Variants in TPR observed in about 807,000 individuals in gnomAD.
TPR encodes nucleoprotein TPR.
A neutral mutation model predicts 316.1 loss-of-function variants in TPR; 51 were observed. That is an observed-to-expected ratio of 0.16 (90% CI 0.13 to 0.20). TPR has a LOEUF of 0.20. Among genes scored for constraint, TPR ranks in the 10% least tolerant of loss-of-function variants. TPR has a pLI of 1.00. For synonymous variants in TPR, 981 were observed against 914.7 expected, an observed-to-expected ratio of 1.07 and a Z score of -1.31; for missense variants, 2,272 against 2,754.8, an observed-to-expected ratio of 0.82 and a Z score of 3.92.
Position 186,336,537 on chromosome 1 carries a change from T to C in TPR, c.4664A>G (p.Lys1555Arg). 6.2e-7 allele frequency: 1 copy of C among 1,613,942 alleles called. No homozygotes were observed. Among genetic ancestry groups the C allele is most frequent in the Non-Finnish European group, 8.5e-7 (1 of 1,179,908 alleles). Residue 1555 changes from lysine to arginine, a missense_variant, in exon 33 of 51, where the codon AAG becomes AGG. Around this residue, in one of 10 missense-constraint regions of TPR, gnomAD observed 109 missense variants for 215.3 expected, o/e 0.51. Coordinates refer to ENST00000367478, the MANE Select transcript of TPR (RefSeq NM_003292.3). ...QITEKEEKTRKAIVAAKSKIA... is the reference protein window; with the variant it reads ...QITEKEEKTRRAIVAAKSKIA... ...TTTTGACTTTGCTGCTACAATAGCC[T>C]TTCTGGTTTTTTCTTCCTTTTCAGT...
chr1:186,319,336 C>T lies in TPR; in HGVS notation c.6569-508G>A, dbSNP rs144065683. ...AAGACATCCTTTAAACTTTCTAATG[C>T]TACAGTACCCTTAAAACATTCGCTA... On this transcript the variant is annotated intron_variant, in intron 46 of 50. Coordinates refer to ENST00000367478, the MANE Select transcript of TPR (RefSeq NM_003292.3). Among the ~76,000 whole-genome samples, 324 of 152,224 alleles carry T rather than the reference C, an allele frequency of 2.1e-3. 2 individuals are homozygous for T. The highest frequency in any genetic ancestry group is 6.8e-3 in the Middle Eastern group (2 of 294).
At chr1:186,326,794 G>A (rs1321147390) in intron 40 of TPR, among the ~76,000 whole-genome samples, 2 of 148,838 alleles carry the variant, frequency 1.3e-5, no homozygotes, top group Non-Finnish European at 3.0e-5. Context: ...AAGCCATACA[G>A]TCATTTATCA....
At chr1:186,365,388 AC>A (rs34893737) in intron 4 of TPR, among the ~76,000 whole-genome samples, 13,873 of 151,834 alleles carry the variant, frequency 0.091, 955 homozygotes, top group East Asian at 0.38. Flanking sequence ...GAGCCACCGT[AC>A]CTGGCCAAGG....
chr1:186,358,282 T>C (rs934801182), intron 13 of TPR, among the ~76,000 whole-genome samples: 2 of 152,106 alleles, frequency 1.3e-5, no homozygotes, highest in African/African-American at 2.4e-5. Context: ...GGGGTAGAAA[T>C]TGGAGAAAGC....
In TPR at chr1:186,337,906, T is replaced by G; in HGVS notation, c.4362+127A>C. On this transcript the variant is annotated intron_variant, in intron 31 of 50. Transcript: ENST00000367478. ...GACATATTAAAGAACTAATCTTAAATAAAGATATCATATATGCTTACACGA... is the reference window on the plus strand; with the variant it reads ...GACATATTAAAGAACTAATCTTAAAGAAAGATATCATATATGCTTACACGA... The G allele has an allele frequency of 5.0e-6, 4 of 798,980 alleles. No individual in the cohort carries two copies. The South Asian group carries it at 8.4e-5, about 17-fold the overall frequency. The allele number at this position is 798,980 out of a possible 1,614,324, so 49.5% of individuals were successfully genotyped here. A position where few individuals can be genotyped will look rare whatever the true frequency, so the allele number is the denominator to read the frequency against.
intron 27 of TPR, chr1:186,342,176 T>G (rs1011530854): frequency 9.8e-5 from 15 of 152,480 alleles, no homozygotes; most frequent in African/African-American, 3.6e-4. Flanking sequence ...GGTTTCACCG[T>G]GTTAGCCAGG....
rs1432670051 is a variant in TPR, at chr1:186,343,959, A to C, written c.3549T>G (p.Asn1183Lys). The stretch of plus-strand genomic sequence containing the variant: ...ATTTTCCTTCTTCACTGAGAGATAC[A>C]TTCAGTGGACCTTGTACACCTTCCT... Reference protein sequence around the residue: ...SVKEGVQGPLNVSLSEEGKSQ... With the variant: ...SVKEGVQGPLKVSLSEEGKSQ... The change falls in exon 26 of 51, where the codon AAT becomes AAG. Residue 1183 changes from asparagine (N) to lysine (K), a missense_variant. Physicochemically the swap from Asn to Lys is moderately conservative, Grantham distance 94. This residue lies in a region of TPR where 757 missense variants were observed against 859.8 expected (regional missense o/e 0.88). Transcript: ENST00000367478. 2 of 1,614,054 alleles carry C rather than the reference A, an allele frequency of 1.2e-6. No individual in the cohort carries two copies. Among genetic ancestry groups the C allele is most frequent in the African/African-American group, 2.7e-5 (2 of 74,928 alleles).
At position 186,313,798 on chromosome 1, in the gene TPR, G is replaced by A. The variant is rs957309225; in HGVS notation, c.*173C>T. On this transcript the variant is annotated 3_prime_UTR_variant, in exon 51 of 51. Coordinates refer to ENST00000367478, the MANE Select transcript of TPR (RefSeq NM_003292.3). ...CCTTAGACTGATGAGCAAAGGAGGA[G>A]TCAACTAATGAAGAAATGAATAATA... 1.3e-6 allele frequency: 2 copies of A among 1,549,910 alleles called. No individual in the cohort carries two copies. Among genetic ancestry groups the A allele is most frequent in the Non-Finnish European group, 1.8e-6 (2 of 1,121,874 alleles).
chr1:186,350,993 G>A (rs1287028425), intron 20 of TPR, among the ~76,000 whole-genome samples: 1 of 152,156 alleles, frequency 6.6e-6, no homozygotes, highest in East Asian at 1.9e-4. Flanking sequence ...GAAAGTATTG[G>A]CCTCAGTTCC....
At chr1:186,325,903 A>G in intron 41 of TPR, 49 bp from the exon 42 acceptor site, 1 of 1,593,116 alleles carries the variant, frequency 6.3e-7, no homozygotes, top group South Asian at 1.1e-5. Context: ...TAAATATGTT[A>G]AAAAAACCGG....
Position 186,323,598 on chromosome 1 carries a change from A to G in TPR, c.6297+88T>C, listed in dbSNP as rs1657832354. On this transcript the variant is annotated intron_variant, in intron 43 of 50. Transcript: ENST00000367478. The stretch of plus-strand genomic sequence containing the variant: ...TGGGATTGCTAATTTAAAAAAACCA[A>G]GAGAGAGAGAGAAATACATAATGGA... 3.5e-6 allele frequency: 4 copies of G among 1,152,516 alleles called. No homozygotes were observed. In the South Asian group the frequency reaches 1.0e-4, roughly 29 times the overall value. 71.4% of individuals were successfully genotyped at this position (1,152,516 alleles called of 1,614,324 possible).
chr1:186,323,652 G>T (rs1424940956), intron 43 of TPR, 34 bp downstream of exon 43: 1 of 1,415,658 alleles, frequency 7.1e-7, no homozygotes. Context: ...TTTTTTTCAA[G>T]TTCATTTTTC....
chr1:186,325,697 T>C, intron 42 of TPR, 67 bp downstream of exon 42: 1 of 1,252,394 alleles, frequency 8.0e-7, no homozygotes, highest in Non-Finnish European at 1.1e-6. Flanking sequence ...ATATTAGAAT[T>C]AAGTGCAATT....
chr1:186,314,327 G>T, intron 50 of TPR: 1 of 389,242 alleles, frequency 2.6e-6, no homozygotes. Context: ...AATGGCAATA[G>T]GTAGAGATAC....
At chr1:186,318,241 T>C (rs1488358587) in intron 48 of TPR, among the ~76,000 whole-genome samples, 1 of 151,584 alleles carries the variant, frequency 6.6e-6, no homozygotes, top group East Asian at 1.9e-4. Flanking sequence ...AGGCAGAAAA[T>C]TGCTTGAACC....
intron 48 of TPR, among the ~76,000 whole-genome samples, 190 bp from the exon 49 acceptor site, chr1:186,317,790 C>A (rs1388084524): frequency 6.6e-6 from 1 of 152,004 alleles, no homozygotes; most frequent in East Asian, 1.9e-4. Flanking sequence ...ATTGTTTTTT[C>A]CTCATTCCTT....
chr1:186,327,219 A>AAATATATAT (rs1449695543), intron 40 of TPR, among the ~76,000 whole-genome samples: 1 of 39,596 alleles, frequency 2.5e-5, no homozygotes, highest in African/African-American at 1.1e-4. Flanking sequence ...TAATATATAT[A>AAATATATAT]AATATATAAT....
At chr1:186,317,350 A>C in intron 49 of TPR, 132 bp downstream of exon 49, 1 of 717,878 alleles carries the variant, frequency 1.4e-6, no homozygotes, top group South Asian at 1.8e-5. Flanking sequence ...TTTAATAATA[A>C]AATTTCTCTT....
At position 186,324,681 on chromosome 1, in the gene TPR, G is replaced by T. The variant is rs1466770095; in HGVS notation, c.6113-811C>A. Among the ~76,000 whole-genome samples, 5 of 152,026 alleles carry T rather than the reference G, an allele frequency of 3.3e-5. No individual in the cohort carries two copies. In the South Asian group the frequency reaches 8.3e-4, roughly 25 times the overall value. On this transcript the variant is annotated intron_variant, in intron 42 of 50. Transcript: ENST00000367478. ...CTAAACCTTATTAAGTTTACTACAA[G>T]AATTAAACAATTCAATACAAGTGTA...
Sources: gnomAD v4.1 joint callset for allele counts (sites outside exome capture counted in the v4.1 genomes callset) on GRCh38, gnomAD v4.1.1 for gene constraint, gnomAD v4.1.1 regional missense constraint, MANE v1.5 for transcripts, NCBI Gene and HGNC (gene_info 2026-07-23, HGNC 2026-07-21) for gene names.